Variants in KYAT1 observed in about 807,000 individuals in gnomAD.
The protein encoded by KYAT1 is kynurenine--oxoglutarate transaminase 1.
Under a neutral mutation model 52.4 loss-of-function variants are expected in KYAT1, and 47 were observed. That is an observed-to-expected ratio of 0.90 (90% CI 0.71 to 1.14). The LOEUF (loss-of-function observed/expected upper bound fraction) is 1.14, where lower values mean the gene tolerates loss of function less well. Among genes scored for constraint, KYAT1 ranks in the 50% most tolerant of loss-of-function variants. The pLI, the probability that KYAT1 is intolerant of heterozygous loss-of-function variation, is 0.00. For missense variants in KYAT1, 480 were observed against 557.9 expected (o/e 0.86, Z 1.41); for synonymous variants, 212 against 209.6 (o/e 1.01, Z -0.10).
chr9:128,859,208 G>C (rs1463928911), intron 1 of KYAT1, among the ~76,000 whole-genome samples: 1 of 150,394 alleles, frequency 6.6e-6, no homozygotes, highest in Non-Finnish European at 1.5e-5. Flanking sequence ...TAAAAATACA[G>C]AAATTAGCCA....
At chr9:128,836,229 T>A in intron 7 of KYAT1, 156 bp from the exon 8 acceptor site, 1 of 519,098 alleles carries the variant, frequency 1.9e-6, no homozygotes, top group Admixed American at 4.0e-5. Flanking sequence ...TCTTTCTTCC[T>A]TTCCTTTCCT....
intron 1 of KYAT1, among the ~76,000 whole-genome samples, chr9:128,864,817 C>T (rs1418049282): frequency 3.9e-5 from 6 of 151,900 alleles, no homozygotes. Flanking sequence ...CCATGTTGAC[C>T]AGGCTGGTCT....
intron 1 of KYAT1, among the ~76,000 whole-genome samples, chr9:128,853,854 A>T (rs1318829125): frequency 6.6e-6 from 1 of 152,256 alleles, no homozygotes; most frequent in Non-Finnish European, 1.5e-5. Context: ...GGCAGGAGTT[A>T]ATCCCAGAGG....
Position 128,861,113 on chromosome 9 carries a change from C to A in KYAT1, c.-6-15702G>T, listed in dbSNP as rs541513975. 1.3e-4 allele frequency among the ~76,000 whole-genome samples: 20 copies of A among 152,370 alleles called. 1 individual carries two copies. The South Asian group carries it at 1.9e-3, about 14-fold the overall frequency. The stretch of plus-strand genomic sequence containing the variant: ...CTTCAATTTGCAAAGACCGTGATAT[C>A]TGCCAAACGCAATACAATGAAGTGT... On this transcript the variant is annotated intron_variant, in intron 1 of 12. Coordinates refer to ENST00000302586, the MANE Select transcript of KYAT1 (RefSeq NM_004059.5).
At chr9:128,835,715 C>T (rs144446586) in intron 9 of KYAT1, 48 bp from the exon 10 acceptor site, 37 of 1,604,554 alleles carry the variant, frequency 2.3e-5, no homozygotes, top group Middle Eastern at 3.3e-4. Flanking sequence ...TTCCCTGACG[C>T]GGGGGCCAGC....
Position 128,833,787 on chromosome 9 carries a change from G to A in KYAT1, c.1162C>T (p.Pro388Ser), listed in dbSNP as rs191552766. Residue 388 changes from proline to serine, a missense_variant, in exon 12 of 13, where the codon CCA becomes TCA. Pro to Ser is a moderately conservative substitution (Grantham distance 74, BLOSUM62 -1). Transcript: ENST00000302586. Reference sequence around the variant, plus strand: ...TAGTGGTCAAAGTGCTTCTGATGTGGCACACTATAGAAGATGGAGACAGGG... The same window carrying A: ...TAGTGGTCAAAGTGCTTCTGATGTGACACACTATAGAAGATGGAGACAGGG... ...AIPVSIFYSV[P>S]HQKHFDHYIR... The A allele has an allele frequency of 6.2e-7, 1 of 1,614,198 alleles. No individual in the cohort carries two copies. Among genetic ancestry groups the A allele is most frequent in the East Asian group, 2.2e-5 (1 of 44,884 alleles).
chr9:128,835,421 A>G lies in KYAT1; in HGVS notation c.1043-19T>C, dbSNP rs1830873215. The G allele has an allele frequency of 6.2e-7, 1 of 1,613,906 alleles. No homozygotes were observed. The highest frequency in any genetic ancestry group is 8.5e-7 in the Non-Finnish European group (1 of 1,179,914). ...TTCCTCTCTGGGAGACAGAGGCCACACTGAGCCCCCTGCAGCCTCCAGCCC... is the reference window on the plus strand; with the variant it reads ...TTCCTCTCTGGGAGACAGAGGCCACGCTGAGCCCCCTGCAGCCTCCAGCCC... On this transcript the variant is annotated intron_variant, in intron 10 of 12. Coordinates refer to ENST00000302586, the MANE Select transcript of KYAT1 (RefSeq NM_004059.5).
At chr9:128,880,160 A>G (rs1280191628) in intron 1 of KYAT1, among the ~76,000 whole-genome samples, 6 of 152,216 alleles carry the variant, frequency 3.9e-5, no homozygotes, top group African/African-American at 1.4e-4. Context: ...AGGCGGGGAC[A>G]TGGAGGCCCA....
At chr9:128,864,046 G>A (rs1380644030) in intron 1 of KYAT1, among the ~76,000 whole-genome samples, 1 of 151,908 alleles carries the variant, frequency 6.6e-6, no homozygotes, top group African/African-American at 2.4e-5. Flanking sequence ...GCCCCGTGGA[G>A]CCCTACACGT....
chr9:128,847,298 G>T, intron 1 of KYAT1: 1 of 609,932 alleles, frequency 1.6e-6, no homozygotes, highest in South Asian at 2.1e-5. Context: ...CAAGGGAGAA[G>T]CCCACATACA....
chr9:128,876,409 C>CTTTTTTTTTT (rs71383618), intron 1 of KYAT1, among the ~76,000 whole-genome samples: 3 of 124,534 alleles, frequency 2.4e-5, no homozygotes, highest in Admixed American at 9.1e-5. Flanking sequence ...ATCCTTTGTT[C>CTTTTTTTTTT]TTTTTTTTTT....
intron 1 of KYAT1, among the ~76,000 whole-genome samples, chr9:128,880,400 A>G (rs887824909): frequency 1.3e-5 from 2 of 151,910 alleles, no homozygotes; most frequent in African/African-American, 4.8e-5. Flanking sequence ...CATTAGTGTA[A>G]ATCTCCCAGG....
At chr9:128,852,871 C>T (rs1284707419) in intron 1 of KYAT1, among the ~76,000 whole-genome samples, 1 of 152,178 alleles carries the variant, frequency 6.6e-6, no homozygotes, top group African/African-American at 2.4e-5. Flanking sequence ...ACTCCAGAAG[C>T]AACTAAAGAA....
rs1564491317 is a variant in KYAT1, at chr9:128,865,324, TATATATATATATATATATATATATATATA to T, written c.-7+16544_-7+16572del. Among the ~76,000 whole-genome samples, 103 of 16,448 alleles carry T rather than the reference TATATATATATATATATATATATATATATA, an allele frequency of 6.3e-3. 8 individuals carry two copies. Among genetic ancestry groups the T allele is most frequent in the East Asian group, 0.024 (5 of 206 alleles). The allele number at this position is 16,448 out of a possible 152,430, so 10.8% of individuals were successfully genotyped here. On this transcript the variant is annotated intron_variant, in intron 1 of 12. Transcript: ENST00000302586. ...CAGAGCCTACATATATATATATATATATATATATATATATATATATATATATATATATATATTTTTTTTTTTTTTTTTTT... is the reference window on the plus strand; with the variant it reads ...CAGAGCCTACATATATATATATATATTATATATTTTTTTTTTTTTTTTTTT...
Position 128,842,698 on chromosome 9 carries a change from C to G in KYAT1, c.157G>C (p.Ala53Pro), listed in dbSNP as rs182982386. 1.2e-6 allele frequency: 2 copies of G among 1,614,138 alleles called. No homozygotes were observed. Among genetic ancestry groups the G allele is most frequent in the Non-Finnish European group, 1.7e-6 (2 of 1,180,004 alleles). The change falls in exon 3 of 13, where the codon GCT becomes CCT. Residue 53 changes from alanine to proline, a missense_variant. By Grantham distance (27) the Ala-to-Pro change is conservative. Transcript: ENST00000302586. ...TTAAGCATGAAGTCTCCACTGACAG[C>G]GTGCTGAAAGGCTTCCACGGCAAAG... is the stretch of plus-strand genomic sequence containing the variant. The part of the protein sequence containing the change: ...PDFAVEAFQH[A>P]VSGDFMLNQY...
chr9:128,848,255 G>A (rs1380410103), intron 1 of KYAT1, among the ~76,000 whole-genome samples: 1 of 145,700 alleles, frequency 6.9e-6, no homozygotes, highest in African/African-American at 2.5e-5. Context: ...GAGAGGTCAA[G>A]GCTACAGTGA....
chr9:128,871,119 T>A (rs1469941748), intron 1 of KYAT1, among the ~76,000 whole-genome samples: 1 of 151,822 alleles, frequency 6.6e-6, no homozygotes, highest in Admixed American at 6.6e-5. Flanking sequence ...GAGTTCGAGA[T>A]CAGCCTGGGC....
intron 1 of KYAT1, among the ~76,000 whole-genome samples, chr9:128,852,831 G>T (rs1834115538): frequency 6.6e-6 from 1 of 152,182 alleles, no homozygotes; most frequent in Non-Finnish European, 1.5e-5. Context: ...CTTGAGAGGG[G>T]ATCCAGACTT....
In KYAT1 at chr9:128,842,748, C is replaced by T; in HGVS notation, c.107G>A (p.Gly36Asp). The change falls in exon 3 of 13, where the codon GGC becomes GAC. Residue 36 changes from glycine to aspartate, a missense_variant. Coordinates refer to ENST00000302586, the MANE Select transcript of KYAT1 (RefSeq NM_004059.5). ...SEHDVVNLGQ[G>D]FPDFPPPDFA... ...GTCTGGTGGTGGGAAATCCGGGAAGCCCTGGCCCAAGTTCACGACGTCATG... is the reference window on the plus strand; with the variant it reads ...GTCTGGTGGTGGGAAATCCGGGAAGTCCTGGCCCAAGTTCACGACGTCATG... The T allele has an allele frequency of 6.2e-7, 1 of 1,614,188 alleles. No individual in the cohort carries two copies. Among genetic ancestry groups the T allele is most frequent in the South Asian group, 1.1e-5 (1 of 91,078 alleles).
Sources: gnomAD v4.1 joint callset for allele counts (sites outside exome capture counted in the v4.1 genomes callset) on GRCh38, gnomAD v4.1.1 for gene constraint, MANE v1.5 for transcripts, NCBI Gene and HGNC (gene_info 2026-07-23, HGNC 2026-07-21) for gene names.